The following ENDOU variants were observed in gnomAD, a reference collection of about 807,000 sequenced individuals.
ENDOU encodes endonuclease, poly(U) specific, also known as uridylate-specific endoribonuclease.
A neutral mutation model predicts 54.2 loss-of-function variants in ENDOU; 49 were observed. The ratio of observed to expected loss-of-function variants is 0.90; its 90% CI spans 0.72 to 1.15. The LOEUF (loss-of-function observed/expected upper bound fraction) is 1.15, where lower values mean the gene tolerates loss of function less well. Ranked by LOEUF, ENDOU falls within the 50% of genes most tolerant of loss-of-function variation. The pLI is 0.00. For synonymous variants in ENDOU, 172 were observed against 190.5 expected (o/e 0.90, Z 0.80); for missense variants, 458 against 511.4 (o/e 0.90, Z 1.01).
chr12:47,715,940 A>G (rs560877806), intron 6 of ENDOU, among the ~76,000 whole-genome samples: 6 of 152,170 alleles, frequency 3.9e-5, no homozygotes, highest in Admixed American at 3.3e-4. Flanking sequence ...TGCTGACTCC[A>G]GGATCGCGGA....
At chr12:47,713,031 C>T (rs909203478) in intron 7 of ENDOU, among the ~76,000 whole-genome samples, 2 of 152,104 alleles carry the variant, frequency 1.3e-5, no homozygotes, top group Non-Finnish European at 2.9e-5. Context: ...TAGATGTACC[C>T]CCTTGGGAGC....
At position 47,710,658 on chromosome 12, in the gene ENDOU, G is replaced by T. The variant is rs1939951869; in HGVS notation, c.*144C>A. The T allele has an allele frequency of 3.0e-6, 2 of 666,290 alleles. No individual in the cohort carries two copies. The highest frequency in any genetic ancestry group is 5.5e-6 in the Non-Finnish European group (2 of 361,568). The allele number at this position is 666,290 out of a possible 1,614,324, so 41.3% of individuals were successfully genotyped here. ...TGTACATTTTATCTCTTTCCCATGT[G>T]GGCACTTTGGGATTTAGGAATGCTT... On this transcript the variant is annotated 3_prime_UTR_variant, in exon 10 of 10. Coordinates refer to ENST00000422538, the MANE Select transcript of ENDOU (RefSeq NM_001172439.2).
intron 2 of ENDOU, chr12:47,720,546 C>T: frequency 2.3e-6 from 1 of 428,854 alleles, no homozygotes; most frequent in Non-Finnish European, 4.1e-6. Flanking sequence ...AGGTAAATGA[C>T]ATCTACTGTA....
At chr12:47,716,640 T>A (rs1592506909) in intron 5 of ENDOU, 141 bp from the exon 6 acceptor site, 4 of 646,314 alleles carry the variant, frequency 6.2e-6, no homozygotes, top group Non-Finnish European at 1.0e-5. Flanking sequence ...CTCTTGAAAG[T>A]CACACATCAG....
intron 3 of ENDOU, chr12:47,717,904 C>T: frequency 1.7e-6 from 1 of 605,192 alleles, no homozygotes; most frequent in Non-Finnish European, 2.9e-6. Flanking sequence ...TTCCACTTCC[C>T]TCTCCAGGCC....
At chr12:47,719,773 GACTAATACAT>G (rs1007542643) in intron 2 of ENDOU, 3 of 152,104 alleles carry the variant, frequency 2.0e-5, no homozygotes, top group African/African-American at 4.8e-5. Context: ...TATGAAAATG[GACTAATACAT>G]ATGGTGTTTT....
chr12:47,718,284 G>C lies in ENDOU; in HGVS notation c.179-90C>G, dbSNP rs1193280996. The C allele has an allele frequency of 3.3e-6, 4 of 1,212,208 alleles. No individual in the cohort carries two copies. In the East Asian group the frequency reaches 7.6e-5, roughly 23 times the overall value. 75.1% of individuals were successfully genotyped at this position (1,212,208 alleles called of 1,614,324 possible). ...GTTCTCTGTTTCCCCAGCCTCAGGG[G>C]ACAAGCAAGGGCACTGGAAGCAAAT... is the stretch of plus-strand genomic sequence containing the variant. On this transcript the variant is annotated intron_variant, in intron 2 of 9. Coordinates refer to ENST00000422538, the MANE Select transcript of ENDOU (RefSeq NM_001172439.2).
intron 3 of ENDOU, chr12:47,717,866 A>G: frequency 1.6e-6 from 1 of 608,702 alleles, no homozygotes; most frequent in Non-Finnish European, 2.9e-6. Context: ...CTGTTTTTCT[A>G]ATCTTCTCAT....
At chr12:47,723,664 G>T (rs1245837521) in intron 1 of ENDOU, among the ~76,000 whole-genome samples, 4 of 152,216 alleles carry the variant, frequency 2.6e-5, no homozygotes, top group Non-Finnish European at 4.4e-5. Flanking sequence ...CATCAAGGAA[G>T]CTTGGTCCCA....
rs150299683 is a variant in ENDOU, at chr12:47,716,889, C to A, written c.551+1G>T. ...TAGAAAGAGGAATTGTGGGAACTCA[C>A]GGCTTTGGGCAGCGATCCACTTGGT... On this transcript the variant is annotated splice_donor_variant, in intron 5 of 9. Transcript: ENST00000422538. LOFTEE classifies it high-confidence loss of function. 6.2e-7 allele frequency: 1 copy of A among 1,613,794 alleles called. No individual in the cohort carries two copies. The highest frequency in any genetic ancestry group is 8.5e-7 in the Non-Finnish European group (1 of 1,179,960).
At chr12:47,723,247 C>G (rs1940490591) in intron 1 of ENDOU, among the ~76,000 whole-genome samples, 1 of 152,220 alleles carries the variant, frequency 6.6e-6, no homozygotes, top group African/African-American at 2.4e-5. Flanking sequence ...AGCACTTTCT[C>G]ACATTTCTCT....
chr12:47,713,513 G>A, intron 6 of ENDOU, 125 bp from the exon 7 acceptor site: 1 of 664,418 alleles, frequency 1.5e-6, no homozygotes, highest in Non-Finnish European at 2.7e-6. Flanking sequence ...ATCAACAAAT[G>A]TGTTCGGCTG....
chr12:47,718,919 G>A (rs1361303327), intron 2 of ENDOU, among the ~76,000 whole-genome samples: 1 of 152,040 alleles, frequency 6.6e-6, no homozygotes, highest in African/African-American at 2.4e-5. Flanking sequence ...CTGTTACAAA[G>A]TGATTCAGAA....
chr12:47,716,611 C>T (rs182918615), intron 5 of ENDOU, 112 bp from the exon 6 acceptor site: 119 of 937,126 alleles, frequency 1.3e-4, no homozygotes, highest in Admixed American at 8.7e-4. Context: ...GTTCAGGAGC[C>T]GAGGGGGCAC....
rs569957411 is a variant in ENDOU, at chr12:47,711,909, G to A, written c.973-134C>T. 160 of 990,196 alleles carry A rather than the reference G, an allele frequency of 1.6e-4. 1 individual carries two copies. In the South Asian group the frequency reaches 2.4e-3, roughly 15 times the overall value. The allele number at this position is 990,196 out of a possible 1,614,324, so 61.3% of individuals were successfully genotyped here. A position where few individuals can be genotyped will look rare whatever the true frequency, so the allele number is the denominator to read the frequency against. ...CCTGTGTGAACCTTCCAGGGAGACT[G>A]GATTCTTTAAATAGAAGAGGCAGTC... On this transcript the variant is annotated intron_variant, in intron 8 of 9. Transcript: ENST00000422538.
chr12:47,710,904 C>T lies in ENDOU; in HGVS notation c.1131G>A (p.Leu377=), dbSNP rs1406178611. ...ARPGKVCQLS[L]GGYPLAVRTY... Reference sequence around the variant, plus strand: ...TCCGGACAGCTAAGGGATATCCTCCCAGGCTTAACTGGCACCTGTGGGGAA... The same window carrying T: ...TCCGGACAGCTAAGGGATATCCTCCTAGGCTTAACTGGCACCTGTGGGGAA... The change falls in exon 10 of 10, where the codon CTG becomes CTA. Residue 377 remains leucine, a synonymous_variant. Transcript: ENST00000422538. 7 of 1,612,320 alleles carry T rather than the reference C, an allele frequency of 4.3e-6. No homozygotes were observed. Among genetic ancestry groups the T allele is most frequent in the Non-Finnish European group, 5.9e-6 (7 of 1,178,528 alleles).
intron 6 of ENDOU, among the ~76,000 whole-genome samples, 197 bp downstream of exon 6, chr12:47,716,103 T>C (rs1324544680): frequency 6.6e-6 from 1 of 152,136 alleles, no homozygotes; most frequent in Non-Finnish European, 1.5e-5. Context: ...AGCCAGAGGA[T>C]GTGCCAGCTC....
chr12:47,717,757 G>T, intron 3 of ENDOU, 102 bp from the exon 4 acceptor site: 2 of 1,230,330 alleles, frequency 1.6e-6, no homozygotes, highest in Non-Finnish European at 2.3e-6. Context: ...ACTCTGCCCA[G>T]TAAAGATCTC....
At chr12:47,710,976 G>T in intron 9 of ENDOU, 57 bp from the exon 10 acceptor site, 1 of 1,203,170 alleles carries the variant, frequency 8.3e-7, no homozygotes, top group East Asian at 2.4e-5. Flanking sequence ...GCCTCTCCCT[G>T]GGCTGGAAGG....
Sources: gnomAD v4.1 joint callset for allele counts (sites outside exome capture counted in the v4.1 genomes callset) on GRCh38, gnomAD v4.1.1 for gene constraint, MANE v1.5 for transcripts, NCBI Gene and HGNC (gene_info 2026-07-23, HGNC 2026-07-21) for gene names.